CFAP61: variants seen among roughly 807,000 people sequenced by gnomAD.
CFAP61 encodes cilia- and flagella-associated protein 61.
CFAP61 carries 107 observed loss-of-function variants against 135.6 expected under a neutral mutation model. That is an observed-to-expected ratio of 0.79 (90% CI 0.67 to 0.93). The LOEUF is 0.93. Ranked by LOEUF, CFAP61 falls within the 40% of genes least tolerant of loss-of-function variation. The pLI is 0.00. For missense variants in CFAP61, 1,507 were observed against 1,556.2 expected, an observed-to-expected ratio of 0.97 and a Z score of 0.53; for synonymous variants, 575 against 578.5, an observed-to-expected ratio of 0.99 and a Z score of 0.09.
intron 17 of CFAP61, 70 bp downstream of exon 17, chr20:20,199,972 T>C (rs1045715829): frequency 5.3e-5 from 82 of 1,550,004 alleles, no homozygotes; most frequent in Non-Finnish European, 7.1e-5. Context: ...GGGGTGGCAG[T>C]GCTGTCTTCA....
chr20:20,110,222 G>A (rs371164389), intron 8 of CFAP61, among the ~76,000 whole-genome samples: 1 of 151,978 alleles, frequency 6.6e-6, no homozygotes, highest in East Asian at 1.9e-4. Flanking sequence ...TACCAACTTA[G>A]GTCCAAGCGG....
At chr20:20,226,773 CAT>C (rs1394476818) in intron 17 of CFAP61, among the ~76,000 whole-genome samples, 2 of 152,236 alleles carry the variant, frequency 1.3e-5, no homozygotes, top group African/African-American at 4.8e-5. Context: ...ACTTAGGTCA[CAT>C]GTGTATCCTG....
chr20:20,146,135 A>G (rs189673066), intron 9 of CFAP61, among the ~76,000 whole-genome samples: 1 of 152,292 alleles, frequency 6.6e-6, no homozygotes, highest in Non-Finnish European at 1.5e-5. Context: ...GATGCTGCAT[A>G]TGGAACCACT....
intron 26 of CFAP61, among the ~76,000 whole-genome samples, chr20:20,350,997 G>A (rs541426106): frequency 6.6e-6 from 1 of 152,268 alleles, no homozygotes; most frequent in East Asian, 1.9e-4. Flanking sequence ...CACAGCTAAC[G>A]TCATTCTCAG....
intron 2 of CFAP61, among the ~76,000 whole-genome samples, chr20:20,057,150 C>T (rs6046580): frequency 1.3e-5 from 2 of 149,490 alleles, no homozygotes; most frequent in Admixed American, 6.7e-5. Flanking sequence ...AAGAAGGTTC[C>T]TCAATTTTAT....
rs896935959 is a variant in CFAP61 at position 20,128,992 on chromosome 20, C to T, written c.860-13865C>T. On this transcript the variant is annotated intron_variant, in intron 8 of 26. Transcript: ENST00000245957. ...TCTATCTCTTAACAAGTTGTTATAA[C>T]TATTATTATAATTGTTATAACTATT... Among the ~76,000 whole-genome samples the T allele has an allele frequency of 8.6e-5, 13 of 151,404 alleles. 1 individual carries two copies. Among genetic ancestry groups the T allele is most frequent in the African/African-American group, 2.7e-4 (11 of 40,990 alleles).
At chr20:20,271,826 G>A (rs1331234589) in intron 21 of CFAP61, among the ~76,000 whole-genome samples, 1 of 152,188 alleles carries the variant, frequency 6.6e-6, no homozygotes, top group Admixed American at 6.5e-5. Context: ...TAAATCGAGA[G>A]CAAAAGCTGG....
At chr20:20,137,419 G>C (rs554223494) in intron 8 of CFAP61, among the ~76,000 whole-genome samples, 20 of 152,190 alleles carry the variant, frequency 1.3e-4, no homozygotes, top group African/African-American at 4.8e-4. Context: ...AAATCTATCT[G>C]GTGCTCTGTT....
intron 2 of CFAP61, among the ~76,000 whole-genome samples, chr20:20,057,165 T>G (rs1600316451): frequency 6.7e-6 from 1 of 149,906 alleles, no homozygotes; most frequent in East Asian, 2.0e-4. Flanking sequence ...TTTTATGACA[T>G]GCCAGAAAAG....
chr20:20,081,117 T>C (rs914666271), intron 6 of CFAP61, among the ~76,000 whole-genome samples: 11 of 152,232 alleles, frequency 7.2e-5, no homozygotes, highest in African/African-American at 2.4e-4. Context: ...GGTTCCATTT[T>C]AAATGAATAA....
chr20:20,153,501 TCCA>T (rs1234890492), intron 9 of CFAP61, among the ~76,000 whole-genome samples: 1 of 151,532 alleles, frequency 6.6e-6, no homozygotes, highest in Non-Finnish European at 1.5e-5. Flanking sequence ...AGAGAGAAGA[TCCA>T]AATAGCCTCA....
chr20:20,330,911 A>G (rs1438294733), intron 25 of CFAP61, among the ~76,000 whole-genome samples: 2 of 152,174 alleles, frequency 1.3e-5, no homozygotes, highest in Admixed American at 1.3e-4. Context: ...AACTGTGATC[A>G]CTTGGTTAGA....
intron 3 of CFAP61, among the ~76,000 whole-genome samples, 166 bp downstream of exon 3, chr20:20,071,170 A>AG (rs1299368555): frequency 6.6e-6 from 1 of 152,152 alleles, no homozygotes; most frequent in Admixed American, 6.6e-5. Flanking sequence ...GAGTAGTGCC[A>AG]GGGGGGATAG....
intron 15 of CFAP61, among the ~76,000 whole-genome samples, chr20:20,192,159 A>G (rs2055965569): frequency 6.6e-6 from 1 of 152,142 alleles, no homozygotes; most frequent in Non-Finnish European, 1.5e-5. Flanking sequence ...GAGAATTGAC[A>G]TTAAAATATA....
chr20:20,303,655 G>A (rs1447921461), intron 25 of CFAP61, among the ~76,000 whole-genome samples: 4 of 152,112 alleles, frequency 2.6e-5, no homozygotes, highest in Non-Finnish European at 5.9e-5. Flanking sequence ...AGGGTGAATG[G>A]TTGAGCTGAT....
At chr20:20,301,181 G>A (rs1254532177) in intron 25 of CFAP61, among the ~76,000 whole-genome samples, 5 of 152,008 alleles carry the variant, frequency 3.3e-5, no homozygotes, top group East Asian at 1.9e-4. Flanking sequence ...CTCCATTCAC[G>A]GTAAGTACCC....
chr20:20,282,317 G>A (rs1164684276), intron 22 of CFAP61, among the ~76,000 whole-genome samples: 1 of 151,822 alleles, frequency 6.6e-6, no homozygotes, highest in East Asian at 1.9e-4. Flanking sequence ...ATTGATTTCT[G>A]CTCTTAATTA....
intron 8 of CFAP61, among the ~76,000 whole-genome samples, chr20:20,108,140 C>T (rs1320510172): frequency 6.6e-6 from 1 of 152,146 alleles, no homozygotes; most frequent in Non-Finnish European, 1.5e-5. Context: ...AATTAAAACA[C>T]TTAGCTCTGG....
At position 20,251,656 on chromosome 20, in the gene CFAP61, G is replaced by A; in HGVS notation, c.2221G>A (p.Val741Met). 6.2e-7 allele frequency: 1 copy of A among 1,614,252 alleles called. No individual in the cohort carries two copies. The highest frequency in any genetic ancestry group is 8.5e-7 in the Non-Finnish European group (1 of 1,180,036). Residue 741 changes from valine to methionine, a missense_variant, in exon 20 of 27, where the codon GTG becomes ATG. Val to Met is a conservative substitution (Grantham distance 21). Transcript: ENST00000245957. ...MSLCSWVNVV[V>M]GRMTGIDRAA... is the part of the protein sequence containing the mutation. Reference sequence around the variant, plus strand: ...ACTGTGCTCCTGGGTTAATGTCGTGGTGGGTAGAATGACCGGCATAGACCG... The same window carrying A: ...ACTGTGCTCCTGGGTTAATGTCGTGATGGGTAGAATGACCGGCATAGACCG...
Sources: allele counts gnomAD v4.1 joint callset (sites outside exome capture counted in the v4.1 genomes callset), GRCh38; gene constraint gnomAD v4.1.1; transcripts MANE v1.5; gene names NCBI Gene and HGNC (gene_info 2026-07-23, HGNC 2026-07-21).